ATP9B: variants seen among roughly 807,000 people sequenced by gnomAD.
ATP9B encodes the protein probable phospholipid-transporting ATPase IIB.
ATP9B carries 110 observed loss-of-function variants against 146.1 expected under a neutral mutation model. The ratio of observed to expected loss-of-function variants is 0.75; its 90% CI spans 0.65 to 0.88. ATP9B has a LOEUF of 0.88. Among genes scored for constraint, ATP9B ranks in the 40% least tolerant of loss-of-function variants. ATP9B has a pLI of 0.00. For missense variants in ATP9B, 1,499 were observed against 1,496.4 expected, an observed-to-expected ratio of 1.00 and a Z score of -0.03; for synonymous variants, 604 against 569.7, an observed-to-expected ratio of 1.06 and a Z score of -0.86.
At chr18:79,172,201 C>T (rs968043005) in intron 7 of ATP9B, among the ~76,000 whole-genome samples, 4 of 149,044 alleles carry the variant, frequency 2.7e-5, no homozygotes, top group African/African-American at 7.6e-5. Flanking sequence ...GCCTAGCCAC[C>T]GTGCCCCGCC....
chr18:79,072,485 C>T (rs34022120), intron 1 of ATP9B, among the ~76,000 whole-genome samples: 20,160 of 152,206 alleles, frequency 0.13, 1,938 homozygotes, highest in African/African-American at 0.27. Flanking sequence ...TATAGATTAA[C>T]GGCATCCCAA....
intron 5 of ATP9B, among the ~76,000 whole-genome samples, chr18:79,140,334 T>TG (rs948711204): frequency 2.6e-5 from 4 of 152,258 alleles, no homozygotes; most frequent in Admixed American, 1.3e-4. Flanking sequence ...TGGAATTTTT[T>TG]GGGGGGGAAT....
At chr18:79,187,678 T>A (rs2095321139) in intron 8 of ATP9B, among the ~76,000 whole-genome samples, 1 of 152,188 alleles carries the variant, frequency 6.6e-6, no homozygotes, top group African/African-American at 2.4e-5. Flanking sequence ...ATTCCAGCAG[T>A]TCTCAGAGGA....
At chr18:79,320,918 G>A (rs2096712262) in intron 15 of ATP9B, among the ~76,000 whole-genome samples, 1 of 152,028 alleles carries the variant, frequency 6.6e-6, no homozygotes, top group African/African-American at 2.4e-5. Flanking sequence ...TGGGTTTTAT[G>A]CGGGGAGGGA....
chr18:79,163,693 A>G (rs550763373), intron 7 of ATP9B, among the ~76,000 whole-genome samples: 2 of 152,222 alleles, frequency 1.3e-5, no homozygotes, highest in South Asian at 4.1e-4. Context: ...AATTCTTTTG[A>G]CAAATAACCC....
intron 7 of ATP9B, among the ~76,000 whole-genome samples, chr18:79,176,070 T>G (rs1361929408): frequency 6.6e-6 from 1 of 152,228 alleles, no homozygotes; most frequent in East Asian, 1.9e-4. Flanking sequence ...GAGGTCATCT[T>G]GTTTGCTTTA....
chr18:79,157,833 C>T (rs2094818171), intron 7 of ATP9B, among the ~76,000 whole-genome samples: 1 of 152,034 alleles, frequency 6.6e-6, no homozygotes, highest in African/African-American at 2.4e-5. Flanking sequence ...CTTTTTATTT[C>T]TGTCAGGTTG....
intron 1 of ATP9B, among the ~76,000 whole-genome samples, chr18:79,076,462 G>A (rs1046156896): frequency 7.2e-5 from 11 of 152,196 alleles, no homozygotes; most frequent in Admixed American, 6.5e-4. Flanking sequence ...TTCAGAACTT[G>A]AAAAGTGTTA....
intron 8 of ATP9B, among the ~76,000 whole-genome samples, chr18:79,179,636 C>T (rs548005956): frequency 6.6e-6 from 1 of 151,978 alleles, no homozygotes; most frequent in Non-Finnish European, 1.5e-5. Context: ...TTATTTAATT[C>T]TCTTATGGTC....
Position 79,314,218 on chromosome 18 carries a change from T to C in ATP9B, c.1773+6984T>C, listed in dbSNP as rs368735481. Among the ~76,000 whole-genome samples the C allele has an allele frequency of 1.1e-4, 16 of 152,344 alleles. No individual in the cohort carries two copies. In the East Asian group the frequency reaches 1.3e-3, roughly 13 times the overall value. On this transcript the variant is annotated intron_variant, in intron 15 of 29. Transcript: ENST00000426216. ...GAGACTTAACTAGTTTCATCCACTG[T>C]GCACCCATACCATCCTCTTAAAACC...
chr18:79,101,946 AT>A (rs57723380), intron 2 of ATP9B, among the ~76,000 whole-genome samples: 20,003 of 150,706 alleles, frequency 0.13, 1,910 homozygotes, highest in African/African-American at 0.27. Flanking sequence ...TTTTTATTTT[AT>A]TTTTTTTCTT....
intron 26 of ATP9B, chr18:79,359,735 T>C (rs2096976421): frequency 2.5e-6 from 1 of 395,120 alleles, no homozygotes; most frequent in South Asian, 2.6e-5. Flanking sequence ...TTGTAAAAGA[T>C]ATTCTAACCA....
intron 13 of ATP9B, among the ~76,000 whole-genome samples, chr18:79,294,612 T>A (rs2096534390): frequency 6.6e-6 from 1 of 152,204 alleles, no homozygotes; most frequent in Non-Finnish European, 1.5e-5. Context: ...CTTTCCTGGA[T>A]CCATACTTCA....
chr18:79,264,701 G>A lies in ATP9B; in HGVS notation c.1268+11160G>A, dbSNP rs374565337. Among the ~76,000 whole-genome samples, 363 of 150,102 alleles carry A rather than the reference G, an allele frequency of 2.4e-3. 1 individual carries two copies. The highest frequency in any genetic ancestry group is 6.3e-3 in the South Asian group (30 of 4,760). On this transcript the variant is annotated intron_variant, in intron 12 of 29. Coordinates refer to ENST00000426216, the MANE Select transcript of ATP9B (RefSeq NM_198531.5). ...TTTTTTTTGATATATATGGTGTGAA[G>A]TACAGTTTTTAAATACCATATTTCT...
chr18:79,092,603 C>CT (rs1187530864), intron 1 of ATP9B, among the ~76,000 whole-genome samples: 1 of 127,684 alleles, frequency 7.8e-6, no homozygotes, highest in African/African-American at 3.0e-5. Context: ...ATTCTATATG[C>CT]TTTTTTCTTT....
At chr18:79,122,248 G>C (rs919886487) in intron 4 of ATP9B, among the ~76,000 whole-genome samples, 1 of 152,108 alleles carries the variant, frequency 6.6e-6, no homozygotes, top group African/African-American at 2.4e-5. Context: ...ATCTCAGTGA[G>C]TCACAAACAG....
At chr18:79,083,975 T>G (rs1479908147) in intron 1 of ATP9B, among the ~76,000 whole-genome samples, 1 of 151,608 alleles carries the variant, frequency 6.6e-6, no homozygotes, top group Non-Finnish European at 1.5e-5. Context: ...TCCCCTACCT[T>G]AGCCTCCCAA....
intron 11 of ATP9B, among the ~76,000 whole-genome samples, chr18:79,222,502 TC>T (rs2095689812): frequency 6.6e-6 from 1 of 152,206 alleles, no homozygotes; most frequent in African/African-American, 2.4e-5. Context: ...CCTGTATTGA[TC>T]CCACCCCCTG....
intron 7 of ATP9B, among the ~76,000 whole-genome samples, chr18:79,168,104 C>A (rs563931364): frequency 6.6e-6 from 1 of 152,344 alleles, no homozygotes; most frequent in Admixed American, 6.5e-5. Flanking sequence ...TCCCTCATTG[C>A]AGTCTTCGCA....
Sources: allele counts gnomAD v4.1 joint callset (sites outside exome capture counted in the v4.1 genomes callset), GRCh38; gene constraint gnomAD v4.1.1; transcripts MANE v1.5; gene names NCBI Gene and HGNC (gene_info 2026-07-23, HGNC 2026-07-21).